VKORC1L1: variants seen among roughly 807,000 people sequenced by gnomAD.
The protein encoded by VKORC1L1 is vitamin K epoxide reductase complex subunit 1-like protein 1.
Under a neutral mutation model 18.9 loss-of-function variants are expected in VKORC1L1, and 2 were observed. The ratio of observed to expected loss-of-function variants is 0.11; its 90% CI spans 0.04 to 0.33. VKORC1L1 has a LOEUF of 0.33. Among genes scored for constraint, VKORC1L1 ranks in the 10% least tolerant of loss-of-function variants. The pLI is 1.00. For missense variants in VKORC1L1, 123 were observed against 224.1 expected, an observed-to-expected ratio of 0.55 and a Z score of 2.88; for synonymous variants, 96 against 100.0, an observed-to-expected ratio of 0.96 and a Z score of 0.24.
intron 1 of VKORC1L1, among the ~76,000 whole-genome samples, chr7:65,874,273 G>A (rs894462226): frequency 2.0e-5 from 3 of 152,116 alleles, no homozygotes; most frequent in African/African-American, 7.2e-5. Flanking sequence ...GAAGGAAATG[G>A]TCTGAGTTTG....
intron 1 of VKORC1L1, among the ~76,000 whole-genome samples, chr7:65,922,603 T>C (rs1042465958): frequency 1.3e-5 from 2 of 149,472 alleles, no homozygotes; most frequent in African/African-American, 4.9e-5. Flanking sequence ...TTCTTTTGCC[T>C]GAAGAACTTC....
chr7:65,915,709 G>C (rs1215655463), intron 1 of VKORC1L1, among the ~76,000 whole-genome samples: 1 of 151,790 alleles, frequency 6.6e-6, no homozygotes, highest in African/African-American at 2.4e-5. Context: ...GGCATGATTG[G>C]GGGTGAGGCT....
chr7:65,951,082 C>A (rs1790204330), intron 2 of VKORC1L1, among the ~76,000 whole-genome samples: 2 of 152,266 alleles, frequency 1.3e-5, no homozygotes, highest in African/African-American at 2.4e-5. Context: ...ATATTTATCA[C>A]ATGTGTTTTT....
chr7:65,879,170 C>T (rs754165081), intron 1 of VKORC1L1, among the ~76,000 whole-genome samples: 15 of 152,066 alleles, frequency 9.9e-5, no homozygotes, highest in South Asian at 2.1e-4. Context: ...GCTTGGCATT[C>T]GTTCCATTGC....
intron 1 of VKORC1L1, among the ~76,000 whole-genome samples, chr7:65,877,039 C>G (rs1788838814): frequency 6.6e-6 from 1 of 151,888 alleles, no homozygotes; most frequent in Non-Finnish European, 1.5e-5. Flanking sequence ...AGAGAGAGAC[C>G]CTGTCTCAAA....
intron 2 of VKORC1L1, among the ~76,000 whole-genome samples, chr7:65,952,811 G>A (rs1423352527): frequency 9.9e-6 from 1 of 100,878 alleles, no homozygotes; most frequent in Non-Finnish European, 1.8e-5. Context: ...TTGAGACAGA[G>A]TTAAGACTCT....
intron 1 of VKORC1L1, among the ~76,000 whole-genome samples, chr7:65,929,454 A>T (rs1789820991): frequency 6.6e-6 from 1 of 151,914 alleles, no homozygotes; most frequent in South Asian, 2.1e-4. Context: ...TGAGCTCTGT[A>T]TTCTTCTCTG....
intron 1 of VKORC1L1, among the ~76,000 whole-genome samples, chr7:65,943,726 T>C (rs1790073060): frequency 1.3e-5 from 2 of 151,910 alleles, no homozygotes; most frequent in Non-Finnish European, 2.9e-5. Flanking sequence ...ACCTGGGAGG[T>C]AGAGGTTGCA....
At chr7:65,953,889 C>T (rs12698509) in intron 2 of VKORC1L1, among the ~76,000 whole-genome samples, 185 bp from the exon 3 acceptor site, 18,905 of 152,236 alleles carry the variant, frequency 0.12, 1,332 homozygotes, top group Middle Eastern at 0.21. Flanking sequence ...CTGGCATTAT[C>T]AACTGCAGAG....
chr7:65,867,743 G>C, the VKORC1L1 span, among the ~76,000 whole-genome samples: 7 of 152,162 alleles, frequency 4.6e-5, no homozygotes, highest in Non-Finnish European at 1.0e-4. Context: ...CCTTTTATGA[G>C]CTACCTTGAA....
At chr7:65,901,924 T>G (rs1789324757) in intron 1 of VKORC1L1, among the ~76,000 whole-genome samples, 1 of 152,100 alleles carries the variant, frequency 6.6e-6, no homozygotes, top group African/African-American at 2.4e-5. Flanking sequence ...TACAAGGGCA[T>G]CAAAAGGGCA....
intron 1 of VKORC1L1, among the ~76,000 whole-genome samples, chr7:65,928,138 T>C (rs1230195529): frequency 6.6e-6 from 1 of 152,190 alleles, no homozygotes; most frequent in Non-Finnish European, 1.5e-5. Flanking sequence ...TAAGCTTCTA[T>C]ACAGTGATAT....
chr7:65,907,843 C>T (rs1789430794), intron 1 of VKORC1L1, among the ~76,000 whole-genome samples: 1 of 151,438 alleles, frequency 6.6e-6, no homozygotes, highest in Non-Finnish European at 1.5e-5. Context: ...GCTGGTTAAC[C>T]TAAGCAAGAT....
intron 1 of VKORC1L1, among the ~76,000 whole-genome samples, chr7:65,903,223 G>A (rs2116397579): frequency 6.8e-6 from 1 of 147,740 alleles, no homozygotes; most frequent in South Asian, 2.1e-4. Context: ...CTGGAGTGCA[G>A]TGGCATGAAC....
At chr7:65,895,510 TATATATACACAC>T (rs1276196397) in intron 1 of VKORC1L1, among the ~76,000 whole-genome samples, 3 of 88,418 alleles carry the variant, frequency 3.4e-5, no homozygotes, top group African/African-American at 1.2e-4. Flanking sequence ...TATATATATA[TATATATACACAC>T]ACACACACAC....
the VKORC1L1 span, among the ~76,000 whole-genome samples, chr7:65,867,195 AAAG>A: frequency 2.0e-5 from 3 of 152,102 alleles, no homozygotes; most frequent in Non-Finnish European, 2.9e-5. Context: ...CTAAAAAAAG[AAAG>A]AAGAAGGAGA....
At chr7:65,913,030 T>G (rs1025391638) in intron 1 of VKORC1L1, among the ~76,000 whole-genome samples, 3 of 152,044 alleles carry the variant, frequency 2.0e-5, no homozygotes, top group Non-Finnish European at 4.4e-5. Context: ...CTGGCAAGAT[T>G]AGGTAGGGAG....
intron 1 of VKORC1L1, among the ~76,000 whole-genome samples, chr7:65,884,586 G>A (rs180945902): frequency 5.9e-5 from 9 of 152,264 alleles, no homozygotes; most frequent in Admixed American, 4.6e-4. Context: ...GCAGTGAGCC[G>A]AGATCATGCC....
At chr7:65,895,573 TATCTC>T (rs1448228671) in intron 1 of VKORC1L1, among the ~76,000 whole-genome samples, 22 of 142,406 alleles carry the variant, frequency 1.5e-4, no homozygotes, top group African/African-American at 4.6e-4. Context: ...TCCCAATTAA[TATCTC>T]AATAGGCTTT....
Sources: allele counts gnomAD v4.1 joint callset (sites outside exome capture counted in the v4.1 genomes callset), GRCh38; gene constraint gnomAD v4.1.1; transcripts MANE v1.5; gene names NCBI Gene and HGNC (gene_info 2026-07-23, HGNC 2026-07-21).